Variants in DEF6 observed in about 807,000 individuals in gnomAD.
DEF6 encodes DEF6 guanine nucleotide exchange factor, also known as differentially expressed in FDCP 6 homolog.
A neutral mutation model predicts 80.5 loss-of-function variants in DEF6; 32 were observed. The ratio of observed to expected loss-of-function variants is 0.40; its 90% CI spans 0.30 to 0.53. The LOEUF is 0.53. DEF6 is among the 20% of genes least tolerant of loss of function. The probability of loss-of-function intolerance (pLI) is 0.57; values close to 1 mark genes in which losing one functional copy is unlikely to be tolerated. For missense variants in DEF6, 575 were observed against 818.7 expected (o/e 0.70, Z 3.63); for synonymous variants, 300 against 337.9 (o/e 0.89, Z 1.23).
chr6:35,303,719 G>A lies in DEF6; in HGVS notation c.96+5767G>A, dbSNP rs191409054. Among the ~76,000 whole-genome samples, 50 of 152,298 alleles carry A rather than the reference G, an allele frequency of 3.3e-4. 1 individual carries two copies. The highest frequency in any genetic ancestry group is 1.2e-3 in the Admixed American group (19 of 15,308). On this transcript the variant is annotated intron_variant, in intron 1 of 10. Transcript: ENST00000316637. ...CAGGTTTAAATAAGGTGATCAGGCC[G>A]GGCAGGGTAGCTCACACCTGTAATC...
chr6:35,310,966 T>C (rs1159136902), intron 3 of DEF6, among the ~76,000 whole-genome samples: 4 of 152,216 alleles, frequency 2.6e-5, no homozygotes. Context: ...ACTGGCAATC[T>C]AGGAAGGGTG....
At position 35,321,294 on chromosome 6, in the gene DEF6, A is replaced by G. The variant is rs771514070; in HGVS notation, c.1780A>G (p.Arg594Gly). 1 of 1,613,940 alleles carries G rather than the reference A, an allele frequency of 6.2e-7. No homozygotes were observed. Residue 594 changes from arginine (R) to glycine (G), a missense_variant, in exon 11 of 11, where the codon AGG becomes GGG. Transcript: ENST00000316637. Reference protein sequence around the residue: ...RLTRWGSQGNRTPSPNSNEQQ... With the variant: ...RLTRWGSQGNGTPSPNSNEQQ... ...GACCCGCTGGGGATCCCAGGGCAACAGGACCCCCTCGCCCAACAGCAATGA... is the reference window on the plus strand; with the variant it reads ...GACCCGCTGGGGATCCCAGGGCAACGGGACCCCCTCGCCCAACAGCAATGA...
At chr6:35,304,303 A>G in intron 1 of DEF6, among the ~76,000 whole-genome samples, 1 of 152,222 alleles carries the variant, frequency 6.6e-6, no homozygotes, top group Non-Finnish European at 1.5e-5. Flanking sequence ...CCTGGGCAAC[A>G]GAGTGAGACC....
intron 1 of DEF6, among the ~76,000 whole-genome samples, chr6:35,307,220 G>A (rs997285974): frequency 2.0e-5 from 3 of 152,218 alleles, no homozygotes; most frequent in Non-Finnish European, 2.9e-5. Context: ...CCAACATAGC[G>A]AAATTCCATC....
chr6:35,312,858 C>A lies in DEF6; in HGVS notation c.807+86C>A. The stretch of plus-strand genomic sequence containing the variant: ...GAAGACAAGGGGGTCAGGAGAGGGG[C>A]AAATGGAGAAAAGCCACAGTGACAC... On this transcript the variant is annotated intron_variant, in intron 5 of 10. Transcript: ENST00000316637. The surrounding 1 kb of genome is among the most constrained non-coding windows in gnomAD (Gnocchi z 6.6). 3 of 1,441,468 alleles carry A rather than the reference C, an allele frequency of 2.1e-6. No homozygotes were observed. The highest frequency in any genetic ancestry group is 1.4e-5 in the African/African-American group (1 of 70,868). The allele number at this position is 1,441,468 out of a possible 1,614,324, so 89.3% of individuals were successfully genotyped here.
intron 1 of DEF6, among the ~76,000 whole-genome samples, chr6:35,303,804 C>T (rs1045680204): frequency 6.6e-6 from 1 of 151,804 alleles, no homozygotes; most frequent in African/African-American, 2.4e-5. Flanking sequence ...CAAGACCAAC[C>T]TGGGCAACAT....
intron 1 of DEF6, 26 bp from the exon 2 acceptor site, chr6:35,309,642 GAC>G (rs1339987154): frequency 1.2e-6 from 2 of 1,607,306 alleles, no homozygotes; most frequent in Non-Finnish European, 1.7e-6. Flanking sequence ...GGTGCAGAAA[GAC>G]ACACTGCCAC....
chr6:35,307,760 A>G (rs1791411464), intron 1 of DEF6, among the ~76,000 whole-genome samples: 1 of 152,216 alleles, frequency 6.6e-6, no homozygotes, highest in Admixed American at 6.5e-5. Context: ...GGGATCTCCC[A>G]CTTCCCAGTT....
At chr6:35,302,702 C>T (rs899155009) in intron 1 of DEF6, among the ~76,000 whole-genome samples, 1 of 152,150 alleles carries the variant, frequency 6.6e-6, no homozygotes, top group Non-Finnish European at 1.5e-5. Context: ...TCTGAGGAAA[C>T]CCAAATGGCA....
In DEF6 at chr6:35,321,370, C is replaced by T. The variant is rs1187257370; in HGVS notation, c.1856C>T (p.Thr619Ile). The change falls in exon 11 of 11, where the codon ACC becomes ATC. Residue 619 changes from threonine (T) to isoleucine (I), a missense_variant. Transcript: ENST00000316637. ...GATGAGGCTCCTGCCCCGGCTTCCA[C>T]CCCTCAGGAAGATAAACTGGATCCA... ...GGDEAPAPASTPQEDKLDPAP... is the reference protein window; with the variant it reads ...GGDEAPAPASIPQEDKLDPAP... 1 of 1,614,078 alleles carries T rather than the reference C, an allele frequency of 6.2e-7. No individual in the cohort carries two copies. Among genetic ancestry groups the T allele is most frequent in the East Asian group, 2.2e-5 (1 of 44,858 alleles).
chr6:35,317,664 G>C (rs1014312423), intron 5 of DEF6: 23 of 495,226 alleles, frequency 4.6e-5, no homozygotes, highest in Non-Finnish European at 2.5e-5. Context: ...TGGAATAATA[G>C]CAAGATGGAA....
At position 35,312,608 on chromosome 6, in the gene DEF6, C is replaced by T. The variant is rs190936359; in HGVS notation, c.661-18C>T. ...GAAGGGGGGCCTGGGAAGCCTCTGA[C>T]GTAACTCCGGCTGGCAGGGCTACCT... On this transcript the variant is annotated intron_variant, in intron 4 of 10. Transcript: ENST00000316637. This position sits in a 1 kb window ranked among gnomAD's most constrained non-coding sequence, Gnocchi z 6.6. The T allele has an allele frequency of 1.2e-4, 191 of 1,614,214 alleles. No individual in the cohort carries two copies. The African/African-American group carries it at 1.3e-3, about 11-fold the overall frequency.
chr6:35,318,739 T>G lies in DEF6; in HGVS notation c.1215+268T>G, dbSNP rs1296290783. On this transcript the variant is annotated intron_variant, in intron 7 of 10. Coordinates refer to ENST00000316637, the MANE Select transcript of DEF6 (RefSeq NM_022047.4). This position sits in a 1 kb window ranked among gnomAD's most constrained non-coding sequence, Gnocchi z 5.1. Reference sequence around the variant, plus strand: ...AGCCCGTGGATGGATGGGGCCTGGTTCGGAGACCTTGGCTGTGGGTTGGGG... The same window carrying G: ...AGCCCGTGGATGGATGGGGCCTGGTGCGGAGACCTTGGCTGTGGGTTGGGG... Among the ~76,000 whole-genome samples, 3 of 152,124 alleles carry G rather than the reference T, an allele frequency of 2.0e-5. No homozygotes were observed. Among genetic ancestry groups the G allele is most frequent in the Non-Finnish European group, 4.4e-5 (3 of 68,006 alleles).
At chr6:35,308,731 T>TAAAATAAAATAAAATAAAATAAAATAAAA (rs1791425536) in intron 1 of DEF6, among the ~76,000 whole-genome samples, 1 of 138,134 alleles carries the variant, frequency 7.2e-6, no homozygotes, top group African/African-American at 2.7e-5. Flanking sequence ...ATAAAATAAA[T>TAAAATAAAATAAAATAAAATAAAATAAAA]AAAATAATAA....
chr6:35,312,672 G>A lies in DEF6; in HGVS notation c.707G>A (p.Arg236His). Residue 236 changes from arginine (R) to histidine (H), a missense_variant, in exon 5 of 11, where the codon CGC becomes CAC. Coordinates refer to ENST00000316637, the MANE Select transcript of DEF6 (RefSeq NM_022047.4). This position sits in a 1 kb window ranked among gnomAD's most constrained non-coding sequence, Gnocchi z 6.6. ...CACCTGAGAAGGAACTGGGCCGAAC[G>A]CTGGTTCCAGCTGCAGCCCAGCTGC... ...RGHLRRNWAE[R>H]WFQLQPSCLC... 6.2e-7 allele frequency: 1 copy of A among 1,613,716 alleles called. No homozygotes were observed.
intron 1 of DEF6, among the ~76,000 whole-genome samples, chr6:35,305,961 C>T (rs994264377): frequency 2.6e-5 from 4 of 152,022 alleles, no homozygotes; most frequent in Non-Finnish European, 4.4e-5. Flanking sequence ...GGCACAATCT[C>T]GGCTCACTGC....
In DEF6 at chr6:35,312,217, C is replaced by G. The variant is rs557175545; in HGVS notation, c.424-85C>G. 8.3e-7 allele frequency: 1 copy of G among 1,199,800 alleles called. No homozygotes were observed. The highest frequency in any genetic ancestry group is 1.2e-6 in the Non-Finnish European group (1 of 833,404). 74.3% of individuals were successfully genotyped at this position (1,199,800 alleles called of 1,614,324 possible). On this transcript the variant is annotated intron_variant, in intron 3 of 10. Coordinates refer to ENST00000316637, the MANE Select transcript of DEF6 (RefSeq NM_022047.4). The surrounding 1 kb of genome is among the most constrained non-coding windows in gnomAD (Gnocchi z 6.6). ...TCCCCTGTTTCCCTCTGCCCAGGCTCTGGGAGCCAGATAGAGCACTCCCTG... is the reference window on the plus strand; with the variant it reads ...TCCCCTGTTTCCCTCTGCCCAGGCTGTGGGAGCCAGATAGAGCACTCCCTG...
chr6:35,305,724 C>T (rs374810024), intron 1 of DEF6, among the ~76,000 whole-genome samples: 2 of 152,172 alleles, frequency 1.3e-5, no homozygotes, highest in East Asian at 3.9e-4. Flanking sequence ...AGCCGCCTGC[C>T]ATCACACCCA....
Position 35,318,396 on chromosome 6 carries a change from GGAGGA to G in DEF6, c.1142_1146del (p.Glu381GlyfsTer31). On this transcript the variant is annotated frameshift_variant, in exon 7 of 11. Coordinates refer to ENST00000316637, the MANE Select transcript of DEF6 (RefSeq NM_022047.4). LOFTEE classifies it high-confidence loss of function. This position sits in a 1 kb window ranked among gnomAD's most constrained non-coding sequence, Gnocchi z 5.1. Reference sequence around the variant, plus strand: ...GGCAGGCCGAGCGGCTGCTGCAGGAGGAGGAGGAACGGCGCCGCAGCCAGCACCGC... The same window carrying G: ...GGCAGGCCGAGCGGCTGCTGCAGGAGGGAACGGCGCCGCAGCCAGCACCGC... 6.5e-7 allele frequency: 1 copy of G among 1,533,586 alleles called. No individual in the cohort carries two copies. Among genetic ancestry groups the G allele is most frequent in the Non-Finnish European group, 8.7e-7 (1 of 1,144,606 alleles). 95.0% of individuals were successfully genotyped at this position (1,533,586 alleles called of 1,614,324 possible).
Sources: allele counts gnomAD v4.1 joint callset (sites outside exome capture counted in the v4.1 genomes callset), GRCh38; gene constraint gnomAD v4.1.1; non-coding constraint Gnocchi (gnomAD v3.1); transcripts MANE v1.5; gene names NCBI Gene and HGNC (gene_info 2026-07-23, HGNC 2026-07-21).